Variants in SDK1 observed in about 807,000 individuals in gnomAD.
SDK1 encodes the protein sidekick cell adhesion molecule 1.
Under a neutral mutation model 245.5 loss-of-function variants are expected in SDK1, and 157 were observed. The ratio of observed to expected loss-of-function variants is 0.64; its 90% CI spans 0.56 to 0.73. SDK1 has a LOEUF of 0.73. SDK1 is among the 30% of genes least tolerant of loss of function. The pLI, the probability that SDK1 is intolerant of heterozygous loss-of-function variation, is 0.00. For synonymous variants in SDK1, 1,647 were observed against 1,278.5 expected (o/e 1.29, Z -6.15); for missense variants, 3,583 against 3,002.3 (o/e 1.19, Z -4.52).
intron 40 of SDK1, among the ~76,000 whole-genome samples, chr7:4,231,731 C>G (rs1054264704): frequency 1.3e-5 from 2 of 152,204 alleles, no homozygotes; most frequent in African/African-American, 4.8e-5. Flanking sequence ...TAACCTGTGA[C>G]TGTAAGGACT....
At chr7:4,183,657 A>G (rs1339999693) in intron 35 of SDK1, among the ~76,000 whole-genome samples, 1 of 151,848 alleles carries the variant, frequency 6.6e-6, no homozygotes, top group African/African-American at 2.4e-5. Flanking sequence ...AAAAAAAAAA[A>G]AAGAAAGTAT....
chr7:3,760,756 T>C (rs1297738736), intron 4 of SDK1, among the ~76,000 whole-genome samples: 3 of 152,350 alleles, frequency 2.0e-5, no homozygotes, highest in East Asian at 3.9e-4. Context: ...TTCTGACTTT[T>C]CCGTTTTTGC....
At chr7:3,783,030 A>G (rs892372169) in intron 4 of SDK1, among the ~76,000 whole-genome samples, 1 of 152,240 alleles carries the variant, frequency 6.6e-6, no homozygotes, top group Non-Finnish European at 1.5e-5. Flanking sequence ...ATCATGATCA[A>G]GTGGGATTTA....
intron 1 of SDK1, among the ~76,000 whole-genome samples, chr7:3,566,851 G>C (rs1173349297): frequency 1.3e-5 from 2 of 152,070 alleles, no homozygotes; most frequent in Non-Finnish European, 1.5e-5. Context: ...ATTACCGAGA[G>C]AAATAAGAAT....
chr7:3,670,266 C>T (rs1449755693), intron 4 of SDK1, among the ~76,000 whole-genome samples: 1 of 152,148 alleles, frequency 6.6e-6, no homozygotes, highest in Non-Finnish European at 1.5e-5. Context: ...TTAATATAAA[C>T]AGCAGGGTTT....
intron 28 of SDK1, among the ~76,000 whole-genome samples, chr7:4,139,237 G>A (rs1005939790): frequency 1.3e-5 from 2 of 152,072 alleles, no homozygotes; most frequent in African/African-American, 4.8e-5. Flanking sequence ...TCCAGTCCTG[G>A]CCTCAAGGTC....
intron 5 of SDK1, among the ~76,000 whole-genome samples, chr7:3,920,926 G>A (rs750983560): frequency 1.3e-5 from 2 of 152,174 alleles, no homozygotes; most frequent in African/African-American, 2.4e-5. Flanking sequence ...CGGGCACTGA[G>A]GGGCACAAGT....
chr7:3,404,624 T>G (rs903916328), intron 1 of SDK1, among the ~76,000 whole-genome samples: 1 of 152,220 alleles, frequency 6.6e-6, no homozygotes, highest in Non-Finnish European at 1.5e-5. Flanking sequence ...TTGGAAAGCT[T>G]CTCTGGGCTG....
chr7:3,851,298 T>C (rs1403558383), intron 5 of SDK1, among the ~76,000 whole-genome samples: 3 of 152,220 alleles, frequency 2.0e-5, no homozygotes, highest in African/African-American at 4.8e-5. Flanking sequence ...TTTGGCGTTA[T>C]TAACATTTTA....
rs548643260 is a variant in SDK1, at chr7:3,963,038, A to C, written c.1429+187A>C. ...AACCACTGGGTACACCCAGGCTCACAGCTACCTGACCTGGACGTATCCAGT... is the reference window on the plus strand; with the variant it reads ...AACCACTGGGTACACCCAGGCTCACCGCTACCTGACCTGGACGTATCCAGT... On this transcript the variant is annotated intron_variant, in intron 9 of 44. Coordinates refer to ENST00000404826, the MANE Select transcript of SDK1 (RefSeq NM_152744.4). Among the ~76,000 whole-genome samples the C allele has an allele frequency of 5.7e-4, 77 of 134,270 alleles. 1 individual carries two copies. The highest frequency in any genetic ancestry group is 2.2e-3 in the African/African-American group (71 of 31,800). The allele number at this position is 134,270 out of a possible 152,430, so 88.1% of individuals were successfully genotyped here.
intron 1 of SDK1, among the ~76,000 whole-genome samples, chr7:3,481,341 A>C (rs1322688781): frequency 6.6e-6 from 1 of 152,238 alleles, no homozygotes; most frequent in African/African-American, 2.4e-5. Flanking sequence ...TAGTGACTGC[A>C]TATCATCCTG....
Position 4,129,932 on chromosome 7 carries a change from G to A in SDK1, c.3964G>A (p.Asp1322Asn), listed in dbSNP as rs769813226. The A allele has an allele frequency of 1.3e-5, 21 of 1,613,724 alleles. No individual in the cohort carries two copies. The South Asian group carries it at 1.3e-4, about 10-fold the overall frequency. The change falls in exon 27 of 45, where the codon GAT (aspartate) becomes AAT (asparagine). Residue 1322 changes from aspartate (D) to asparagine (N), a missense_variant. By Grantham distance (23) the Asp-to-Asn change is conservative. Coordinates refer to ENST00000404826, the MANE Select transcript of SDK1 (RefSeq NM_152744.4). Reference protein sequence around the residue: ...YKILFRAKDLDPEPRSHIVRG... With the variant: ...YKILFRAKDLNPEPRSHIVRG... ...GATCCTGTTCCGGGCCAAAGACCTGGATCCCGAGCCCAGGAGCCACATCGT... is the reference window on the plus strand; with the variant it reads ...GATCCTGTTCCGGGCCAAAGACCTGAATCCCGAGCCCAGGAGCCACATCGT...
chr7:4,009,177 T>C (rs183170941), intron 14 of SDK1, among the ~76,000 whole-genome samples: 1 of 152,220 alleles, frequency 6.6e-6, no homozygotes, highest in African/African-American at 2.4e-5. Flanking sequence ...CAAACAAAAC[T>C]GAACACCCTT....
At chr7:3,554,420 A>C (rs1010048580) in intron 1 of SDK1, among the ~76,000 whole-genome samples, 4 of 144,456 alleles carry the variant, frequency 2.8e-5, no homozygotes, top group Non-Finnish European at 6.2e-5. Context: ...ACATACCAAA[A>C]TATTTGGGAC....
chr7:3,877,835 C>T (rs1781111854), intron 5 of SDK1, among the ~76,000 whole-genome samples: 1 of 152,180 alleles, frequency 6.6e-6, no homozygotes, highest in African/African-American at 2.4e-5. Flanking sequence ...CATAGAATGC[C>T]ATGATATGGA....
chr7:3,530,821 G>A (rs946654836), intron 1 of SDK1, among the ~76,000 whole-genome samples: 4 of 152,168 alleles, frequency 2.6e-5, no homozygotes, highest in Non-Finnish European at 5.9e-5. Flanking sequence ...GAAACAATTT[G>A]TGTGATAACA....
At position 3,999,971 on chromosome 7, in the gene SDK1, C is replaced by G. The variant is rs965492843; in HGVS notation, c.2132-10995C>G. Among the ~76,000 whole-genome samples the G allele has an allele frequency of 8.5e-5, 13 of 152,092 alleles. 1 individual carries two copies. Among genetic ancestry groups the G allele is most frequent in the Admixed American group, 6.5e-4 (10 of 15,272 alleles). On this transcript the variant is annotated intron_variant, in intron 14 of 44. Transcript: ENST00000404826. ...GAGCTGCACAAAGCTGGGAGCTAGG[C>G]AAGGTGGTGTGAAAGCAAGTTTTTA... is the stretch of plus-strand genomic sequence containing the variant.
chr7:4,183,840 C>A (rs77535270), intron 35 of SDK1, among the ~76,000 whole-genome samples: 2 of 152,092 alleles, frequency 1.3e-5, no homozygotes, highest in African/African-American at 4.8e-5. Flanking sequence ...AGACACGGCC[C>A]CTGCATCCAG....
chr7:3,803,745 C>CTTTTTTTTTTTTTTTTTTTTT, intron 4 of SDK1, among the ~76,000 whole-genome samples: 1 of 119,978 alleles, frequency 8.3e-6, no homozygotes, highest in Non-Finnish European at 1.7e-5. Flanking sequence ...GTATTTTCCT[C>CTTTTTTTTTTTTTTTTTTTTT]TTTTTTTTTT....
Sources: gnomAD v4.1 joint callset for allele counts (sites outside exome capture counted in the v4.1 genomes callset) on GRCh38, gnomAD v4.1.1 for gene constraint, MANE v1.5 for transcripts, NCBI Gene and HGNC (gene_info 2026-07-23, HGNC 2026-07-21) for gene names.